TAF2: variants seen among roughly 807,000 people sequenced by gnomAD.
The protein encoded by TAF2 is transcription initiation factor TFIID subunit 2.
In TAF2, 61 loss-of-function variants were observed where a neutral mutation model predicts 138.5. The observed-to-expected ratio is 0.44, with a 90% confidence interval of 0.36 to 0.54. The LOEUF (loss-of-function observed/expected upper bound fraction) is 0.54, where lower values mean the gene tolerates loss of function less well. Among genes scored for constraint, TAF2 ranks in the 20% least tolerant of loss-of-function variants. The pLI is 0.00. For missense variants in TAF2, 1,090 were observed against 1,427.9 expected, an observed-to-expected ratio of 0.76 and a Z score of 3.81; for synonymous variants, 475 against 469.9, an observed-to-expected ratio of 1.01 and a Z score of -0.14.
intron 3 of TAF2, among the ~76,000 whole-genome samples, chr8:119,807,791 G>A (rs577673141): frequency 1.8e-4 from 27 of 152,218 alleles, no homozygotes; most frequent in African/African-American, 6.5e-4. Context: ...GCGTGGTGGT[G>A]CATGCCTGTA....
intron 13 of TAF2, 99 bp from the exon 14 acceptor site, chr8:119,788,546 T>A (rs1473054625): frequency 1.0e-6 from 1 of 965,418 alleles, no homozygotes; most frequent in Non-Finnish European, 1.6e-6. Context: ...TATAAAATAT[T>A]ACACAAAATG....
intron 15 of TAF2, among the ~76,000 whole-genome samples, 157 bp from the exon 16 acceptor site, chr8:119,783,790 C>T (rs1563872748): frequency 6.6e-6 from 1 of 152,118 alleles, no homozygotes; most frequent in South Asian, 2.1e-4. Flanking sequence ...TTAAACTGCA[C>T]TGACAAATTT....
At chr8:119,753,086 T>C (rs569411338) in intron 22 of TAF2, among the ~76,000 whole-genome samples, 3 of 152,306 alleles carry the variant, frequency 2.0e-5, no homozygotes, top group East Asian at 3.9e-4. Context: ...GAAGATAATA[T>C]AGCAGTGTGA....
At chr8:119,787,484 A>G (rs910085827) in intron 14 of TAF2, among the ~76,000 whole-genome samples, 2 of 152,234 alleles carry the variant, frequency 1.3e-5, no homozygotes, top group East Asian at 1.9e-4. Context: ...AAACACATGA[A>G]AAAAAGCTCA....
chr8:119,766,081 A>G (rs1416259204), intron 18 of TAF2, among the ~76,000 whole-genome samples: 3 of 152,218 alleles, frequency 2.0e-5, no homozygotes, highest in Non-Finnish European at 2.9e-5. Flanking sequence ...CACTACAACT[A>G]TGATATTACA....
chr8:119,788,274 T>C, intron 14 of TAF2, 64 bp downstream of exon 14: 2 of 1,428,542 alleles, frequency 1.4e-6, no homozygotes, highest in Middle Eastern at 1.9e-4. Context: ...ATTTTTATTT[T>C]GGCATTTTAG....
intron 25 of TAF2, among the ~76,000 whole-genome samples, chr8:119,735,205 T>C (rs2130970536): frequency 6.6e-6 from 1 of 152,332 alleles, no homozygotes; most frequent in East Asian, 1.9e-4. Flanking sequence ...TCCATTAAAC[T>C]GATAGCCTCT....
Position 119,733,754 on chromosome 8 carries a change from G to T in TAF2, c.3338-1568C>A, listed in dbSNP as rs551360779. ...AGATACGTGGTTACCAAATATTGTTGATTCTCATAAATATCTCTTAAATCC... is the reference window on the plus strand; with the variant it reads ...AGATACGTGGTTACCAAATATTGTTTATTCTCATAAATATCTCTTAAATCC... On this transcript the variant is annotated intron_variant, in intron 25 of 25. Coordinates refer to ENST00000378164, the MANE Select transcript of TAF2 (RefSeq NM_003184.4). 9.0e-4 allele frequency among the ~76,000 whole-genome samples: 136 copies of T among 151,438 alleles called. 1 individual carries two copies. Among genetic ancestry groups the T allele is most frequent in the African/African-American group, 3.1e-3 (130 of 41,300 alleles).
chr8:119,826,926 C>T (rs1287155978), intron 2 of TAF2, among the ~76,000 whole-genome samples: 2 of 151,860 alleles, frequency 1.3e-5, no homozygotes, highest in Non-Finnish European at 2.9e-5. Flanking sequence ...GGTGTGGTGG[C>T]TCACACCTGT....
At position 119,732,081 on chromosome 8, in the gene TAF2, T is replaced by C. The variant is rs1213100424; in HGVS notation, c.3443A>G (p.His1148Arg). 1.2e-6 allele frequency: 2 copies of C among 1,614,202 alleles called. No homozygotes were observed. Among genetic ancestry groups the C allele is most frequent in the African/African-American group, 1.3e-5 (1 of 75,050 alleles). Reference protein sequence around the residue: ...STASKHSDHHHHHHHEHKKKK... With the variant: ...STASKHSDHHRHHHHEHKKKK... ...TTTCTTGTGCTCATGGTGATGGTGG[T>C]GATGGTGGTCACTGTGTTTGGAGGC... Residue 1148 changes from histidine (H) to arginine (R), a missense_variant, in exon 26 of 26, where the codon CAC (histidine) becomes CGC (arginine). Coordinates refer to ENST00000378164, the MANE Select transcript of TAF2 (RefSeq NM_003184.4).
chr8:119,828,051 T>C, intron 2 of TAF2, among the ~76,000 whole-genome samples: 1 of 152,090 alleles, frequency 6.6e-6, no homozygotes, highest in Non-Finnish European at 1.5e-5. Context: ...CCAATTCTTG[T>C]ATTTTTAGTA....
intron 2 of TAF2, among the ~76,000 whole-genome samples, chr8:119,821,258 G>A (rs908717539): frequency 2.0e-5 from 3 of 152,108 alleles, no homozygotes; most frequent in African/African-American, 4.8e-5. Flanking sequence ...CTTAGCCACT[G>A]GCATAACTGC....
At chr8:119,831,832 T>C (rs954800199) in intron 1 of TAF2, 101 bp from the exon 2 acceptor site, 9 of 776,190 alleles carry the variant, frequency 1.2e-5, no homozygotes, top group African/African-American at 1.8e-5. Flanking sequence ...ATGTTCTAAG[T>C]AATTCAAAAT....
At chr8:119,734,161 G>A (rs1587633374) in intron 25 of TAF2, among the ~76,000 whole-genome samples, 1 of 152,040 alleles carries the variant, frequency 6.6e-6, no homozygotes, top group East Asian at 1.9e-4. Flanking sequence ...CTGCATCGTG[G>A]TCTTCCTAAA....
At chr8:119,774,366 G>A (rs1822068823) in intron 18 of TAF2, among the ~76,000 whole-genome samples, 1 of 151,964 alleles carries the variant, frequency 6.6e-6, no homozygotes, top group Non-Finnish European at 1.5e-5. Flanking sequence ...TATTTACTAT[G>A]ACATATAGGC....
chr8:119,777,546 A>G (rs1822338883), intron 18 of TAF2, among the ~76,000 whole-genome samples: 1 of 152,218 alleles, frequency 6.6e-6, no homozygotes, highest in African/African-American at 2.4e-5. Flanking sequence ...TAATTTTTGA[A>G]GCAGGACATC....
intron 3 of TAF2, among the ~76,000 whole-genome samples, chr8:119,818,733 CACACACACACACACACACA>C (rs551233456): frequency 0.06 from 5,005 of 83,640 alleles, 158 homozygotes; most frequent in South Asian, 0.16. Flanking sequence ...AAATGAAGTC[CACACACACACACACACACA>C]CACACACACA....
Position 119,783,517 on chromosome 8 carries a change from ACATCTCTCT to A in TAF2, c.1967_1975del (p.Glu656_Asp658del). On this transcript the variant is annotated inframe_deletion, in exon 16 of 26. Coordinates refer to ENST00000378164, the MANE Select transcript of TAF2 (RefSeq NM_003184.4). ...CAAAATGGATTCCTGCTGTGCAACA[ACATCTCTCT>A]CATAGCGGAGCTGATACTGCCACAT... is the stretch of plus-strand genomic sequence containing the variant. 1 of 1,614,170 alleles carries A rather than the reference ACATCTCTCT, an allele frequency of 6.2e-7. No homozygotes were observed. Among genetic ancestry groups the A allele is most frequent in the Non-Finnish European group, 8.5e-7 (1 of 1,180,028 alleles).
At chr8:119,751,701 G>C (rs1820366283) in intron 22 of TAF2, among the ~76,000 whole-genome samples, 1 of 151,926 alleles carries the variant, frequency 6.6e-6, no homozygotes, top group African/African-American at 2.4e-5. Context: ...AAAAAACAGT[G>C]AATTAATATG....
Sources: gnomAD v4.1 joint callset for allele counts (sites outside exome capture counted in the v4.1 genomes callset) on GRCh38, gnomAD v4.1.1 for gene constraint, MANE v1.5 for transcripts, NCBI Gene and HGNC (gene_info 2026-07-23, HGNC 2026-07-21) for gene names.